The following EBF2 variants were observed in gnomAD, a reference collection of about 807,000 sequenced individuals.
The protein encoded by EBF2 is transcription factor COE2.
A neutral mutation model predicts 72.8 loss-of-function variants in EBF2; 21 were observed. The ratio of observed to expected loss-of-function variants is 0.29; its 90% CI spans 0.20 to 0.42. The LOEUF is 0.42. Among genes scored for constraint, EBF2 ranks in the 10% least tolerant of loss-of-function variants. The pLI is 1.00. For missense variants in EBF2, 637 were observed against 731.2 expected (o/e 0.87, Z 1.49); for synonymous variants, 299 against 274.2 (o/e 1.09, Z -0.89).
intron 6 of EBF2, among the ~76,000 whole-genome samples, chr8:25,909,273 T>C (rs1336798716): frequency 1.3e-5 from 2 of 152,194 alleles, no homozygotes; most frequent in Admixed American, 6.5e-5. Context: ...TGGGCATCTT[T>C]CATCAGGCAA....
Position 26,040,526 on chromosome 8 carries a change from G to A in EBF2, c.408+90C>T, listed in dbSNP as rs1022917353. The A allele has an allele frequency of 4.3e-5, 54 of 1,246,454 alleles. No homozygotes were observed. The South Asian group carries it at 7.2e-4, about 17-fold the overall frequency. 77.2% of individuals were successfully genotyped at this position (1,246,454 alleles called of 1,614,324 possible). On this transcript the variant is annotated intron_variant, in intron 4 of 15. Transcript: ENST00000520164. ...GCTGTGGAGTCTGACCCAGGAAATCGTGGAGGAGGGGCAGGTCAGAAACAA... is the reference window on the plus strand; with the variant it reads ...GCTGTGGAGTCTGACCCAGGAAATCATGGAGGAGGGGCAGGTCAGAAACAA...
intron 7 of EBF2, among the ~76,000 whole-genome samples, chr8:25,896,122 A>G (rs770324296): frequency 6.6e-6 from 1 of 152,214 alleles, no homozygotes; most frequent in African/African-American, 2.4e-5. Context: ...AGAAAAAGAG[A>G]AGTCAAAATG....
intron 6 of EBF2, among the ~76,000 whole-genome samples, chr8:25,926,420 G>C (rs1396887783): frequency 6.6e-6 from 1 of 152,152 alleles, no homozygotes; most frequent in African/African-American, 2.4e-5. Flanking sequence ...ATAAACTATT[G>C]CTTAGATGAG....
chr8:25,864,493 TACAC>T (rs1475971877), intron 10 of EBF2, among the ~76,000 whole-genome samples: 1 of 124,460 alleles, frequency 8.0e-6, no homozygotes, highest in Non-Finnish European at 1.7e-5. Context: ...AACTGGTAGA[TACAC>T]ACAAACACAC....
At chr8:25,992,803 C>G (rs1804565998) in intron 6 of EBF2, among the ~76,000 whole-genome samples, 1 of 151,364 alleles carries the variant, frequency 6.6e-6, no homozygotes, top group Non-Finnish European at 1.5e-5. Context: ...ACTTAGGAGG[C>G]TGAGGTGGGA....
chr8:26,002,868 AGGCGGGCAGGCG>A (rs1563204648), intron 6 of EBF2, among the ~76,000 whole-genome samples: 2 of 111,188 alleles, frequency 1.8e-5, no homozygotes, highest in Non-Finnish European at 4.3e-5. Context: ...GCAGGCGGGC[AGGCGGGCAGGCG>A]GGCAGGCGGG....
intron 14 of EBF2, among the ~76,000 whole-genome samples, chr8:25,851,323 C>T (rs752225833): frequency 5.2e-4 from 78 of 150,018 alleles, no homozygotes; most frequent in Admixed American, 9.3e-4. Flanking sequence ...TTCAGAAAAC[C>T]GTCTTCCTCT....
At chr8:25,923,417 G>A (rs909471680) in intron 6 of EBF2, among the ~76,000 whole-genome samples, 30 of 152,094 alleles carry the variant, frequency 2.0e-4, no homozygotes, top group African/African-American at 5.1e-4. Flanking sequence ...AATCAGGCCC[G>A]GTATTTTTGT....
chr8:25,969,808 A>G (rs1178254052), intron 6 of EBF2, among the ~76,000 whole-genome samples: 1 of 152,084 alleles, frequency 6.6e-6, no homozygotes, highest in Non-Finnish European at 1.5e-5. Context: ...GGGCTCAAGC[A>G]ACCCTCCCAC....
chr8:25,979,319 C>A (rs1804320657), intron 6 of EBF2, among the ~76,000 whole-genome samples: 1 of 152,264 alleles, frequency 6.6e-6, no homozygotes, highest in South Asian at 2.1e-4. Flanking sequence ...ACGGTCCCTG[C>A]ACGGGACGAG....
intron 6 of EBF2, among the ~76,000 whole-genome samples, chr8:25,926,186 C>G (rs1204074766): frequency 6.6e-6 from 1 of 152,090 alleles, no homozygotes; most frequent in East Asian, 1.9e-4. Context: ...GGCCACAATA[C>G]AACATGGGAG....
intron 6 of EBF2, among the ~76,000 whole-genome samples, chr8:25,980,813 A>G (rs1266518848): frequency 3.6e-5 from 5 of 138,572 alleles, no homozygotes; most frequent in South Asian, 4.8e-4. Flanking sequence ...AAAAAAAAAA[A>G]GATGCCAAAT....
intron 10 of EBF2, among the ~76,000 whole-genome samples, chr8:25,866,433 T>TTA (rs1029645921): frequency 8.3e-6 from 1 of 120,656 alleles, no homozygotes; most frequent in Admixed American, 8.8e-5. Flanking sequence ...GATTTTTTAT[T>TTA]TATATATATA....
intron 6 of EBF2, among the ~76,000 whole-genome samples, chr8:25,989,123 TC>T (rs1278681525): frequency 6.6e-6 from 1 of 152,228 alleles, no homozygotes; most frequent in Non-Finnish European, 1.5e-5. Context: ...GCCTCAGTGT[TC>T]CATAAAATGA....
chr8:25,940,177 A>G (rs961515783), intron 6 of EBF2, among the ~76,000 whole-genome samples: 4 of 152,264 alleles, frequency 2.6e-5, no homozygotes, highest in African/African-American at 9.6e-5. Context: ...AGATACGGGC[A>G]GCCCCTACAT....
chr8:26,036,179 T>C (rs933132595), intron 5 of EBF2, among the ~76,000 whole-genome samples: 2 of 152,118 alleles, frequency 1.3e-5, no homozygotes, highest in Non-Finnish European at 2.9e-5. Flanking sequence ...GCTGAGTAAG[T>C]TTTCAAAATT....
intron 10 of EBF2, among the ~76,000 whole-genome samples, chr8:25,873,799 C>T (rs1265098909): frequency 1.3e-5 from 2 of 152,082 alleles, no homozygotes; most frequent in South Asian, 2.1e-4. Flanking sequence ...ATCTAAATGC[C>T]ACAATGGAGC....
At chr8:25,911,819 C>T (rs1288063332) in intron 6 of EBF2, among the ~76,000 whole-genome samples, 4 of 152,038 alleles carry the variant, frequency 2.6e-5, no homozygotes, top group Admixed American at 1.3e-4. Flanking sequence ...GTAGGTGAAA[C>T]CCACTGAGAT....
At chr8:25,873,964 G>A (rs1466678861) in intron 10 of EBF2, among the ~76,000 whole-genome samples, 2 of 152,180 alleles carry the variant, frequency 1.3e-5, no homozygotes, top group Non-Finnish European at 2.9e-5. Flanking sequence ...TCAGCTGAAT[G>A]ATGTATCTGA....
Sources: allele counts gnomAD v4.1 joint callset (sites outside exome capture counted in the v4.1 genomes callset), GRCh38; gene constraint gnomAD v4.1.1; transcripts MANE v1.5; gene names NCBI Gene and HGNC (gene_info 2026-07-23, HGNC 2026-07-21).